CD109: variants seen among roughly 807,000 people sequenced by gnomAD.
The protein encoded by CD109 is CD109 antigen.
A neutral mutation model predicts 165.8 loss-of-function variants in CD109; 149 were observed. The observed-to-expected ratio is 0.90, with a 90% CI of 0.79 to 1.03. The LOEUF is 1.03. Ranked by LOEUF, CD109 falls within the 50% of genes least tolerant of loss-of-function variation. The pLI is 0.00. For synonymous variants in CD109, 585 were observed against 592.1 expected (o/e 0.99, Z 0.18); for missense variants, 1,712 against 1,677.8 (o/e 1.02, Z -0.36).
intron 6 of CD109, 142 bp downstream of exon 6, chr6:73,756,824 T>C: frequency 4.0e-6 from 2 of 505,324 alleles, no homozygotes; most frequent in Non-Finnish European, 3.3e-6. Flanking sequence ...GGCCTAACCA[T>C]ATTTTTTTTC....
chr6:73,796,505 T>C (rs1436053065), intron 23 of CD109, among the ~76,000 whole-genome samples: 2 of 152,214 alleles, frequency 1.3e-5, no homozygotes, highest in Non-Finnish European at 2.9e-5. Flanking sequence ...TACTCCATTT[T>C]ATTTCTTCAC....
intron 24 of CD109, among the ~76,000 whole-genome samples, chr6:73,805,413 G>T (rs1163703333): frequency 2.0e-5 from 3 of 152,178 alleles, no homozygotes; most frequent in Non-Finnish European, 4.4e-5. Context: ...CAGCCCTAAG[G>T]CAGGTTTCCC....
chr6:73,819,531 C>G (rs1366837064), intron 31 of CD109, among the ~76,000 whole-genome samples: 3 of 152,140 alleles, frequency 2.0e-5, no homozygotes, highest in Non-Finnish European at 4.4e-5. Context: ...TTTCTTATTT[C>G]AGTTTTGCTA....
At chr6:73,717,639 A>C (rs1360034066) in intron 2 of CD109, among the ~76,000 whole-genome samples, 2 of 44,100 alleles carry the variant, frequency 4.5e-5, no homozygotes, top group Non-Finnish European at 8.1e-5. Context: ...TTTTTTTTTG[A>C]GATGGAGTCT....
chr6:73,706,500 C>T (rs1292906247), intron 2 of CD109, among the ~76,000 whole-genome samples: 8 of 152,182 alleles, frequency 5.3e-5, no homozygotes, highest in Non-Finnish European at 1.2e-4. Context: ...TTGTAATTCA[C>T]TCTTAGTGTG....
intron 30 of CD109, among the ~76,000 whole-genome samples, chr6:73,818,034 A>C (rs1256899880): frequency 6.6e-6 from 1 of 152,066 alleles, no homozygotes; most frequent in Non-Finnish European, 1.5e-5. Flanking sequence ...GAGAAAAGGA[A>C]AAGTGCAATT....
Position 73,786,611 on chromosome 6 carries a change from A to G in CD109, c.2338-623A>G, listed in dbSNP as rs535644316. On this transcript the variant is annotated intron_variant, in intron 20 of 32. Coordinates refer to ENST00000287097, the MANE Select transcript of CD109 (RefSeq NM_133493.5). ...CCTCATCTGTAAAATGGAAATGATA[A>G]TTATTACACCCACAAAAGATACCTT... is the stretch of plus-strand genomic sequence containing the variant. Among the ~76,000 whole-genome samples, 5 of 152,104 alleles carry G rather than the reference A, an allele frequency of 3.3e-5. No individual in the cohort carries two copies. The South Asian group carries it at 1.0e-3, about 32-fold the overall frequency.
rs368013201 is a variant in CD109, at chr6:73,737,934, G to GTCCATCCATCCA, written c.633+1429_633+1440dup. On this transcript the variant is annotated intron_variant, in intron 5 of 32. Coordinates refer to ENST00000287097, the MANE Select transcript of CD109 (RefSeq NM_133493.5). ...AAATTCTTAAGAATCACTTTTTTTGGTCCATCCATCCATCGATCCTTCTAT... is the reference window on the plus strand; with the variant it reads ...AAATTCTTAAGAATCACTTTTTTTGGTCCATCCATCCATCCATCCATCCATCGATCCTTCTAT... Among the ~76,000 whole-genome samples, 490 of 151,920 alleles carry GTCCATCCATCCA rather than the reference G, an allele frequency of 3.2e-3. 6 individuals carry two copies. Among genetic ancestry groups the GTCCATCCATCCA allele is most frequent in the African/African-American group, 0.011 (464 of 41,456 alleles).
At position 73,711,603 on chromosome 6, in the gene CD109, G is replaced by A. The variant is rs1427835744; in HGVS notation, c.248-11648G>A. ...GGCTGGAGTGCAGTGGCGGGATCTC[G>A]GCTCACTGCAAGCTCCGCCTCCCGG... On this transcript the variant is annotated intron_variant, in intron 2 of 32. Coordinates refer to ENST00000287097, the MANE Select transcript of CD109 (RefSeq NM_133493.5). Among the ~76,000 whole-genome samples the A allele has an allele frequency of 1.5e-4, 5 of 33,452 alleles. 2 individuals are homozygous for A. The East Asian group carries it at 2.4e-3, about 16-fold the overall frequency. The allele number at this position is 33,452 out of a possible 152,430, so 21.9% of individuals were successfully genotyped here.
At chr6:73,776,611 G>A (rs1774254746) in intron 15 of CD109, among the ~76,000 whole-genome samples, 1 of 136,128 alleles carries the variant, frequency 7.3e-6, no homozygotes, top group South Asian at 2.4e-4. Context: ...AGGCTGGAGT[G>A]CAGTGATGTG....
chr6:73,802,473 CTT>C (rs1398747423), intron 23 of CD109, among the ~76,000 whole-genome samples: 1 of 151,328 alleles, frequency 6.6e-6, no homozygotes, highest in East Asian at 1.9e-4. Context: ...ATAGAAAATA[CTT>C]TTATTTTCTA....
intron 5 of CD109, among the ~76,000 whole-genome samples, chr6:73,752,794 T>G (rs925960572): frequency 7.9e-5 from 12 of 152,210 alleles, no homozygotes; most frequent in Middle Eastern, 3.2e-3. Flanking sequence ...TAGGGTCTTT[T>G]TTCCAGTTGT....
intron 5 of CD109, among the ~76,000 whole-genome samples, chr6:73,749,499 G>T (rs1359911960): frequency 2.6e-5 from 4 of 152,152 alleles, no homozygotes; most frequent in Admixed American, 2.6e-4. Context: ...AGGTGGGGAA[G>T]TTTGTGGGCC....
At chr6:73,693,483 C>A (rs540822292), upstream of CD109, among the ~76,000 whole-genome samples, 36 of 152,350 alleles carry the variant, frequency 2.4e-4, no homozygotes, top group South Asian at 4.6e-3. Flanking sequence ...CAAATTTCAG[C>A]ATCAGCTTTG....
At chr6:73,761,958 T>A (rs181642822) in intron 7 of CD109, among the ~76,000 whole-genome samples, 3,420 of 152,124 alleles carry the variant, frequency 0.022, 48 homozygotes, top group African/African-American at 0.027. Context: ...TATTTTTTTT[T>A]AATTTATTTA....
At chr6:73,717,777 G>A (rs773259428) in intron 2 of CD109, among the ~76,000 whole-genome samples, 3 of 151,374 alleles carry the variant, frequency 2.0e-5, no homozygotes, top group Non-Finnish European at 2.9e-5. Flanking sequence ...CTGCAACCAC[G>A]CCCGGCTAAT....
At chr6:73,688,059 A>G in the CD109 span, among the ~76,000 whole-genome samples, 416 of 152,360 alleles carry the variant, frequency 2.7e-3, no homozygotes, top group Middle Eastern at 0.014. Flanking sequence ...TTCCCCAGAT[A>G]GTACTTTGCT....
intron 22 of CD109, among the ~76,000 whole-genome samples, chr6:73,790,947 A>G (rs1053329451): frequency 6.6e-6 from 1 of 151,924 alleles, no homozygotes; most frequent in Admixed American, 6.6e-5. Flanking sequence ...GTGCTTTACA[A>G]ATAACTGAAG....
At position 73,781,292 on chromosome 6, in the gene CD109, C is replaced by T. The variant is rs1415433925; in HGVS notation, c.1936C>T (p.Leu646Phe). The change falls in exon 17 of 33, where the codon CTC becomes TTC. Residue 646 changes from leucine to phenylalanine, a missense_variant. Transcript: ENST00000287097. Reference sequence around the variant, plus strand: ...ACTCTGGGTATTGACAGATGCAAACCTCACGAAGGATTATATTGATGGTGT... The same window carrying T: ...ACTCTGGGTATTGACAGATGCAAACTTCACGAAGGATTATATTGATGGTGT... Reference protein sequence around the residue: ...CGLWVLTDANLTKDYIDGVYD... With the variant: ...CGLWVLTDANFTKDYIDGVYD... 6.2e-7 allele frequency: 1 copy of T among 1,613,040 alleles called. No homozygotes were observed. The highest frequency in any genetic ancestry group is 1.3e-5 in the African/African-American group (1 of 74,850).
Sources: gnomAD v4.1 joint callset for allele counts (sites outside exome capture counted in the v4.1 genomes callset) on GRCh38, gnomAD v4.1.1 for gene constraint, MANE v1.5 for transcripts, NCBI Gene and HGNC (gene_info 2026-07-23, HGNC 2026-07-21) for gene names.